Variants in UBE3A observed in about 807,000 individuals in gnomAD.
UBE3A encodes ubiquitin-protein ligase E3A.
A neutral mutation model predicts 83.4 loss-of-function variants in UBE3A; 6 were observed. That is an observed-to-expected ratio of 0.07 (90% CI 0.04 to 0.14). UBE3A has a LOEUF of 0.14. UBE3A is among the 10% of genes least tolerant of loss of function. The pLI is 1.00. For synonymous variants in UBE3A, 337 were observed against 355.4 expected, an observed-to-expected ratio of 0.95 and a Z score of 0.58; for missense variants, 456 against 1,036.1, an observed-to-expected ratio of 0.44 and a Z score of 7.69.
chr15:25,381,389 A>G (rs1032408194), intron 4 of UBE3A, among the ~76,000 whole-genome samples: 6 of 152,228 alleles, frequency 3.9e-5, no homozygotes, highest in African/African-American at 1.4e-4. Context: ...ACGCCAAACA[A>G]GTAAGATTAG....
chr15:25,340,729 C>A (rs906765904), intron 11 of UBE3A, among the ~76,000 whole-genome samples: 3 of 151,482 alleles, frequency 2.0e-5, no homozygotes, highest in African/African-American at 7.3e-5. Flanking sequence ...AAAAAAAGAC[C>A]CCCTGCCCCA....
rs762584416 is a variant in UBE3A at position 25,334,892 on chromosome 15, C to T, written c.*4245G>A. ...ATGGATGAAATAGGAAACTTCACTACATTCTACTGCATGCTCGGTCATTTT... is the reference window on the plus strand; with the variant it reads ...ATGGATGAAATAGGAAACTTCACTATATTCTACTGCATGCTCGGTCATTTT... On this transcript the variant is annotated 3_prime_UTR_variant, in exon 13 of 13. Transcript: ENST00000648336. 2 of 152,136 alleles carry T rather than the reference C, an allele frequency of 1.3e-5. No individual in the cohort carries two copies. Among genetic ancestry groups the T allele is most frequent in the African/African-American group, 2.4e-5 (1 of 41,418 alleles). The allele number at this position is 152,136 out of a possible 1,614,324, so 9.4% of individuals were successfully genotyped here. A position where few individuals can be genotyped will look rare whatever the true frequency, so the allele number is the denominator to read the frequency against.
rs1303217222 is a variant in UBE3A, at chr15:25,338,547, C to CA, written c.*589dup. The stretch of plus-strand genomic sequence containing the variant: ...TTATTGATTGATTCTCAAGATTTTG[C>CA]ACAGAAAACTCTTTGGGGGCTAGAA... On this transcript the variant is annotated 3_prime_UTR_variant, in exon 13 of 13. Transcript: ENST00000648336. 2 of 151,946 alleles carry CA rather than the reference C, an allele frequency of 1.3e-5. No individual in the cohort carries two copies. Among genetic ancestry groups the CA allele is most frequent in the Non-Finnish European group, 2.9e-5 (2 of 67,954 alleles). 9.4% of individuals were successfully genotyped at this position (151,946 alleles called of 1,614,324 possible).
chr15:25,408,218 T>C, intron 3 of UBE3A: 1 of 199,694 alleles, frequency 5.0e-6, no homozygotes, highest in South Asian at 8.9e-5. Flanking sequence ...GACCTTGTCT[T>C]GGAAACAAAC....
chr15:25,401,918 T>C (rs1028536545), intron 4 of UBE3A, among the ~76,000 whole-genome samples: 12 of 152,244 alleles, frequency 7.9e-5, no homozygotes, highest in Non-Finnish European at 1.6e-4. Flanking sequence ...AATCTCAAAA[T>C]TTCTCATTTT....
At chr15:25,433,587 C>A (rs1439983645) in intron 1 of UBE3A, among the ~76,000 whole-genome samples, 4 of 152,236 alleles carry the variant, frequency 2.6e-5, no homozygotes, top group Admixed American at 2.6e-4. Context: ...AAAGAAGGAA[C>A]GAAGGCTTCA....
chr15:25,341,130 C>T (rs564567014), intron 11 of UBE3A, among the ~76,000 whole-genome samples: 16 of 151,454 alleles, frequency 1.1e-4, no homozygotes, highest in South Asian at 2.1e-4. Flanking sequence ...AGTGCAGTGG[C>T]GCGATCTCGG....
chr15:25,381,128 C>T (rs999974231), intron 4 of UBE3A, among the ~76,000 whole-genome samples: 6 of 151,988 alleles, frequency 3.9e-5, no homozygotes, highest in African/African-American at 9.7e-5. Context: ...GATGGTTATA[C>T]GATAAAGCAA....
intron 1 of UBE3A, chr15:25,438,024 A>G (rs1309553012): frequency 6.6e-6 from 1 of 151,964 alleles, no homozygotes; most frequent in African/African-American, 2.4e-5. Flanking sequence ...CTCCCTTCCC[A>G]TCAATCCACC....
In UBE3A at chr15:25,383,973, T is replaced by TTA. The variant is rs1288753240; in HGVS notation, c.63-8211_63-8210insTA. 3.3e-5 allele frequency among the ~76,000 whole-genome samples: 5 copies of TTA among 152,080 alleles called. No homozygotes were observed. The East Asian group carries it at 9.6e-4, about 29-fold the overall frequency. ...GCCTACCAAAAAGAAAAAAAACCGT[T>TTA]AGAATAAAGGAATTCAGTAAAGTTA... is the stretch of plus-strand genomic sequence containing the variant. On this transcript the variant is annotated intron_variant, in intron 4 of 12. Coordinates refer to ENST00000648336, the MANE Select transcript of UBE3A (RefSeq NM_130839.5).
intron 4 of UBE3A, among the ~76,000 whole-genome samples, chr15:25,376,921 A>G (rs1166700763): frequency 6.6e-6 from 1 of 152,222 alleles, no homozygotes; most frequent in Non-Finnish European, 1.5e-5. Context: ...ATTCAACACT[A>G]AAGAGTCTAT....
intron 1 of UBE3A, among the ~76,000 whole-genome samples, chr15:25,432,873 T>C (rs2153186517): frequency 6.6e-6 from 1 of 152,328 alleles, no homozygotes; most frequent in East Asian, 1.9e-4. Flanking sequence ...GACTCTCTTC[T>C]ATAATTCACA....
chr15:25,376,354 G>A (rs139897415), intron 4 of UBE3A, among the ~76,000 whole-genome samples: 80 of 152,226 alleles, frequency 5.3e-4, no homozygotes, highest in African/African-American at 1.8e-3. Context: ...GAAAGAAAGC[G>A]GCTGCAGCCT....
Position 25,370,528 on chromosome 15 carries a change from C to G in UBE3A, c.1608+38G>C. The G allele has an allele frequency of 2.5e-6, 4 of 1,611,630 alleles. No homozygotes were observed. The highest frequency in any genetic ancestry group is 3.4e-6 in the Non-Finnish European group (4 of 1,177,836). On this transcript the variant is annotated intron_variant, in intron 6 of 12. Coordinates refer to ENST00000648336, the MANE Select transcript of UBE3A (RefSeq NM_130839.5). The surrounding 1 kb of genome is among the most constrained non-coding windows in gnomAD (Gnocchi z 4.2). ...AATTCACTGAACTGTATCATGATAT[C>G]CCCATTATTAGGTTTTTAATCTAGC... is the stretch of plus-strand genomic sequence containing the variant.
intron 3 of UBE3A, chr15:25,407,056 A>G (rs768326089): frequency 1.5e-6 from 2 of 1,344,168 alleles, no homozygotes; most frequent in South Asian, 2.3e-5. Flanking sequence ...CAAATCACCT[A>G]TGTGACACAC....
intron 4 of UBE3A, among the ~76,000 whole-genome samples, chr15:25,377,634 T>C (rs1196300532): frequency 6.6e-6 from 1 of 152,192 alleles, no homozygotes; most frequent in Non-Finnish European, 1.5e-5. Context: ...TGTAAGTAGG[T>C]ATTTCCTTTC....
chr15:25,425,146 A>C (rs145318009), intron 1 of UBE3A, among the ~76,000 whole-genome samples: 1,612 of 152,282 alleles, frequency 0.011, 24 homozygotes, highest in Middle Eastern at 0.034. Flanking sequence ...CCCAAAAAAA[A>C]CAGACATACA....
chr15:25,434,658 T>C (rs1894471641), intron 1 of UBE3A, among the ~76,000 whole-genome samples: 1 of 152,158 alleles, frequency 6.6e-6, no homozygotes, highest in Admixed American at 6.5e-5. Flanking sequence ...GGGTGAGTAA[T>C]CACAAAGCAA....
Position 25,337,141 on chromosome 15 carries a change from C to A in UBE3A, c.*1996G>T, listed in dbSNP as rs115174347. ...ATGTGAACAACTCTATATCTGATAA[C>A]CTATTTCAATTACCACTTTAAAACT... On this transcript the variant is annotated 3_prime_UTR_variant, in exon 13 of 13. Coordinates refer to ENST00000648336, the MANE Select transcript of UBE3A (RefSeq NM_130839.5). The A allele has an allele frequency of 6.6e-6, 1 of 152,088 alleles. No homozygotes were observed. Among genetic ancestry groups the A allele is most frequent in the Admixed American group, 6.6e-5 (1 of 15,262 alleles). 9.4% of individuals were successfully genotyped at this position (152,088 alleles called of 1,614,324 possible).
Sources: allele counts gnomAD v4.1 joint callset (sites outside exome capture counted in the v4.1 genomes callset), GRCh38; gene constraint gnomAD v4.1.1; non-coding constraint Gnocchi (gnomAD v3.1); transcripts MANE v1.5; gene names NCBI Gene and HGNC (gene_info 2026-07-23, HGNC 2026-07-21).